LRFN2: variants seen among roughly 807,000 people sequenced by gnomAD.
LRFN2 encodes leucine-rich repeat and fibronectin type-III domain-containing protein 2.
In LRFN2, 18 loss-of-function variants were observed where a neutral mutation model predicts 37.3. The ratio of observed to expected loss-of-function variants is 0.48; its 90% CI spans 0.33 to 0.72. The LOEUF is 0.72. Among genes scored for constraint, LRFN2 ranks in the 30% least tolerant of loss-of-function variants. The pLI, the probability that LRFN2 is intolerant of heterozygous loss-of-function variation, is 0.02. For missense variants in LRFN2, 1,006 were observed against 1,060.7 expected, an observed-to-expected ratio of 0.95 and a Z score of 0.72; for synonymous variants, 556 against 466.6, an observed-to-expected ratio of 1.19 and a Z score of -2.47.
At chr6:40,436,871 C>A (rs575925289) in intron 1 of LRFN2, among the ~76,000 whole-genome samples, 4 of 152,122 alleles carry the variant, frequency 2.6e-5, no homozygotes, top group African/African-American at 4.8e-5. Context: ...AGAAGGCTGA[C>A]GTTTTTCTGG....
intron 1 of LRFN2, among the ~76,000 whole-genome samples, chr6:40,548,096 A>G (rs1254541039): frequency 2.6e-5 from 4 of 152,212 alleles, no homozygotes; most frequent in Non-Finnish European, 4.4e-5. Context: ...GACTTACATA[A>G]GAACCTCAGT....
chr6:40,573,920 C>T (rs1767230850), intron 1 of LRFN2, among the ~76,000 whole-genome samples: 1 of 152,206 alleles, frequency 6.6e-6, no homozygotes, highest in Non-Finnish European at 1.5e-5. Flanking sequence ...GAAATCACGC[C>T]ATTGCACTGC....
intron 1 of LRFN2, among the ~76,000 whole-genome samples, chr6:40,570,519 C>A (rs1767167797): frequency 6.6e-6 from 1 of 152,162 alleles, no homozygotes; most frequent in South Asian, 2.1e-4. Flanking sequence ...GCACTTTTAA[C>A]CCTGGGCCGC....
intron 1 of LRFN2, among the ~76,000 whole-genome samples, chr6:40,570,230 A>G (rs1046021193): frequency 6.6e-6 from 1 of 152,186 alleles, no homozygotes; most frequent in East Asian, 1.9e-4. Context: ...ATCATCAAAT[A>G]TTTATTGAGC....
chr6:40,435,058 G>T (rs868130998), intron 1 of LRFN2, among the ~76,000 whole-genome samples: 3,020 of 91,104 alleles, frequency 0.033, 16 homozygotes, highest in Non-Finnish European at 0.046. Context: ...TATATAGAGA[G>T]AGAGAGAGAG....
At chr6:40,553,552 G>C (rs1207812710) in intron 1 of LRFN2, among the ~76,000 whole-genome samples, 3 of 152,148 alleles carry the variant, frequency 2.0e-5, no homozygotes, top group Non-Finnish European at 4.4e-5. Flanking sequence ...TTTCCCCACT[G>C]TGTTCTGGTG....
intron 1 of LRFN2, among the ~76,000 whole-genome samples, chr6:40,554,557 C>T (rs1766834177): frequency 6.6e-6 from 1 of 152,178 alleles, no homozygotes; most frequent in South Asian, 2.1e-4. Flanking sequence ...TTGCTCGCTT[C>T]CCAAGAGCAA....
chr6:40,455,950 GGA>G (rs1159726995), intron 1 of LRFN2, among the ~76,000 whole-genome samples: 3 of 152,280 alleles, frequency 2.0e-5, no homozygotes, highest in Non-Finnish European at 4.4e-5. Context: ...ATTCAAAGTG[GGA>G]GAGATGTTTC....
intron 1 of LRFN2, among the ~76,000 whole-genome samples, chr6:40,563,815 T>C (rs1476639990): frequency 6.6e-6 from 1 of 152,216 alleles, no homozygotes; most frequent in Admixed American, 6.5e-5. Context: ...ATAACTTCCC[T>C]GTCCTTGTTA....
chr6:40,399,748 C>T (rs1001127641), intron 2 of LRFN2, among the ~76,000 whole-genome samples: 1 of 151,852 alleles, frequency 6.6e-6, no homozygotes, highest in South Asian at 2.1e-4. Flanking sequence ...TGAATTCCCT[C>T]TTTCAAAAGA....
chr6:40,557,881 A>G (rs1299624178), intron 1 of LRFN2, among the ~76,000 whole-genome samples: 1 of 152,202 alleles, frequency 6.6e-6, no homozygotes, highest in Non-Finnish European at 1.5e-5. Context: ...TATGGGAGTG[A>G]TTATTTTTAT....
chr6:40,425,434 G>A (rs927210055), intron 2 of LRFN2, among the ~76,000 whole-genome samples: 2 of 152,184 alleles, frequency 1.3e-5, no homozygotes, highest in Non-Finnish European at 2.9e-5. Flanking sequence ...AATGTCACTT[G>A]GGCTGATAAT....
intron 1 of LRFN2, among the ~76,000 whole-genome samples, chr6:40,499,762 C>G (rs868252001): frequency 1.3e-5 from 2 of 152,166 alleles, no homozygotes; most frequent in South Asian, 4.1e-4. Context: ...AGGTCAGAGG[C>G]TGATGGGCTG....
chr6:40,533,963 C>T (rs1264839276), intron 1 of LRFN2, among the ~76,000 whole-genome samples: 1 of 152,218 alleles, frequency 6.6e-6, no homozygotes, highest in Non-Finnish European at 1.5e-5. Flanking sequence ...TCAGGCATTG[C>T]TCCAAGTTCT....
intron 1 of LRFN2, among the ~76,000 whole-genome samples, chr6:40,508,375 C>A (rs555011626): frequency 6.6e-6 from 1 of 152,202 alleles, no homozygotes; most frequent in East Asian, 1.9e-4. Flanking sequence ...ACTCTCCCTG[C>A]TCTCTTTCCT....
intron 1 of LRFN2, among the ~76,000 whole-genome samples, chr6:40,556,578 G>A (rs1348100664): frequency 6.6e-6 from 1 of 152,026 alleles, no homozygotes; most frequent in African/African-American, 2.4e-5. Context: ...TCCTGAGGAT[G>A]GAAAGTTATT....
At chr6:40,409,793 C>T (rs555232009) in intron 2 of LRFN2, among the ~76,000 whole-genome samples, 2 of 152,346 alleles carry the variant, frequency 1.3e-5, no homozygotes, top group South Asian at 2.1e-4. Context: ...AACTTATTGA[C>T]ACTTCCTTGG....
chr6:40,474,449 T>C (rs991368943), intron 1 of LRFN2, among the ~76,000 whole-genome samples: 8 of 152,162 alleles, frequency 5.3e-5, no homozygotes, highest in African/African-American at 1.9e-4. Context: ...CACACTAGCA[T>C]TGGATTTAGG....
intron 2 of LRFN2, among the ~76,000 whole-genome samples, chr6:40,417,563 G>T (rs1308068205): frequency 6.6e-6 from 1 of 152,204 alleles, no homozygotes; most frequent in South Asian, 2.1e-4. Context: ...GTACAAGGTT[G>T]TGGGGTAGAG....
Sources: allele counts gnomAD v4.1 joint callset (sites outside exome capture counted in the v4.1 genomes callset), GRCh38; gene constraint gnomAD v4.1.1; transcripts MANE v1.5; gene names NCBI Gene and HGNC (gene_info 2026-07-23, HGNC 2026-07-21).